Variants in LCTL observed in about 807,000 individuals in gnomAD.
LCTL encodes the protein lactase-like protein.
LCTL carries 76 observed loss-of-function variants against 75.8 expected under a neutral mutation model. The observed-to-expected ratio is 1.00, with a 90% CI of 0.83 to 1.21. The LOEUF (loss-of-function observed/expected upper bound fraction) is 1.21. LCTL is among the 50% of genes most tolerant of loss of function. The pLI, the probability that LCTL is intolerant of heterozygous loss-of-function variation, is 0.00. For missense variants in LCTL, 670 were observed against 712.4 expected, an observed-to-expected ratio of 0.94 and a Z score of 0.68; for synonymous variants, 271 against 268.8, an observed-to-expected ratio of 1.01 and a Z score of -0.08.
exon 3 of LCTL, chr15:66,563,984 C>G: frequency 6.2e-7 from 1 of 1,613,698 alleles, no homozygotes; most frequent in Non-Finnish European, 8.5e-7. Context: ...GTTCCCTCAG[C>G]AGAATGATGT....
chr15:66,551,720 G>A (rs201642911), exon 11 of LCTL: 116 of 1,613,950 alleles, frequency 7.2e-5, no homozygotes, highest in Non-Finnish European at 8.6e-5. Context: ...TTGAACTGAA[G>A]CCTTTGGATA....
chr15:66,558,031 G>T, exon 7 of LCTL: 3 of 1,604,212 alleles, frequency 1.9e-6, no homozygotes, highest in Non-Finnish European at 2.6e-6. Flanking sequence ...AGGCTTTGGC[G>T]TGGGCCTGAA....
exon 12 of LCTL, chr15:66,550,068 A>G: frequency 1.2e-6 from 2 of 1,606,028 alleles, no homozygotes; most frequent in East Asian, 2.2e-5. Context: ...TTGTTGATAG[A>G]GCAAGTTTCC....
At chr15:66,552,453 C>G (rs966217840) in intron 9 of LCTL, among the ~76,000 whole-genome samples, 1 of 151,764 alleles carries the variant, frequency 6.6e-6, no homozygotes, top group African/African-American at 2.4e-5. Flanking sequence ...GGCAGATCAC[C>G]TAAGGTCAGG....
intron 11 of LCTL, 137 bp downstream of exon 12, chr15:66,551,525 G>A (rs893502266): frequency 8.9e-6 from 6 of 671,216 alleles, no homozygotes; most frequent in Non-Finnish European, 1.0e-5. Flanking sequence ...GAGTAAAGGT[G>A]AAATAAAGGG....
intron 8 of LCTL, 61 bp downstream of exon 9, chr15:66,557,661 G>A: frequency 6.4e-7 from 1 of 1,551,328 alleles, no homozygotes; most frequent in Non-Finnish European, 8.8e-7. Context: ...CCTTTTGCTT[G>A]TTTCACATGG....
intron 3 of LCTL, 84 bp from the exon 5 acceptor site, chr15:66,563,709 T>A: frequency 9.8e-7 from 1 of 1,015,710 alleles, no homozygotes; most frequent in Non-Finnish European, 1.5e-6. Flanking sequence ...TCCTGGGCCC[T>A]GTTGCTTTTT....
At chr15:66,559,489 C>T (rs748776657) in intron 6 of LCTL, among the ~76,000 whole-genome samples, 6 of 152,098 alleles carry the variant, frequency 3.9e-5, no homozygotes, top group Admixed American at 1.3e-4. Flanking sequence ...GGGTAGATCA[C>T]GAGGTCAGGA....
intron 4 of LCTL, among the ~76,000 whole-genome samples, chr15:66,562,253 A>G (rs1198018317): frequency 6.6e-6 from 1 of 151,998 alleles, no homozygotes; most frequent in East Asian, 1.9e-4. Context: ...AAATACAAAA[A>G]TTAGCCGGGC....
At position 66,556,043 on chromosome 15, in the gene LCTL, A is replaced by T. The variant is rs559138931; in HGVS notation, c.922+1679T>A. ...TGTGGAGTAATTGGAACCCTTGTGT[A>T]TTGTTGCTGGGAATGTAAAATGGTA... On this transcript the variant is annotated intron_variant, in intron 8 of 12. Transcript: ENST00000341509. Among the ~76,000 whole-genome samples, 601 of 152,272 alleles carry T rather than the reference A, an allele frequency of 3.9e-3. 3 individuals are homozygous for T. Among genetic ancestry groups the T allele is most frequent in the Non-Finnish European group, 3.4e-3 (234 of 68,016 alleles).
At chr15:66,564,779 C>CCGT in exon 2 of LCTL, 8 of 1,613,764 alleles carry the variant, frequency 5.0e-6, no homozygotes, top group Non-Finnish European at 6.8e-6. Context: ...AGGCCCTTTC[C>CCGT]CGTCCTGGTC....
Position 66,565,307 on chromosome 15 carries a change from C to T in LCTL, c.59G>A (p.Gly20Glu), listed in dbSNP as rs1164736046. The T allele has an allele frequency of 6.2e-7, 1 of 1,613,704 alleles. No homozygotes were observed. Among genetic ancestry groups the T allele is most frequent in the Non-Finnish European group, 8.5e-7 (1 of 1,179,916 alleles). Residue 20 changes from glycine (G) to glutamate (E), a missense_variant, in exon 1 of 13, where the codon GGG becomes GAG. Transcript: ENST00000341509. ...TTCTGGGGACCCCTTCCGGGCGGCC[C>T]CCAGCCTGGGCACCAGCAGTAGCAT... is the stretch of plus-strand genomic sequence containing the variant.
chr15:66,557,149 A>G (rs1288134706), intron 8 of LCTL, among the ~76,000 whole-genome samples: 2 of 152,134 alleles, frequency 1.3e-5, no homozygotes, highest in African/African-American at 4.8e-5. Flanking sequence ...GGCACCCCTG[A>G]AGGCTAGATT....
At chr15:66,562,588 C>CTT (rs34408899) in intron 4 of LCTL, among the ~76,000 whole-genome samples, 13,162 of 142,598 alleles carry the variant, frequency 0.092, 727 homozygotes, top group Middle Eastern at 0.13. Flanking sequence ...GTCGCCAGAT[C>CTT]TTTTTTTTTT....
chr15:66,556,817 A>G (rs1427479836), intron 8 of LCTL, among the ~76,000 whole-genome samples: 1 of 152,148 alleles, frequency 6.6e-6, no homozygotes, highest in Non-Finnish European at 1.5e-5. Context: ...TGCAAGATGA[A>G]GCGTTCTGGA....
chr15:66,565,271 A>C (rs1462587979), exon 1 of LCTL: 2 of 1,612,672 alleles, frequency 1.2e-6, no homozygotes, highest in East Asian at 4.5e-5. Context: ...TCCATAGTAG[A>C]AGGAGGCCTC....
chr15:66,558,241 G>A (rs1477209480), intron 6 of LCTL, among the ~76,000 whole-genome samples: 1 of 152,122 alleles, frequency 6.6e-6, no homozygotes, highest in African/African-American at 2.4e-5. Flanking sequence ...TGTAAGTCTG[G>A]CTCAAACAAC....
chr15:66,564,365 G>A lies in LCTL; in HGVS notation c.282+311C>T, dbSNP rs118110887. 1.0e-3 allele frequency: 466 copies of A among 467,870 alleles called. 4 individuals are homozygous for A. The East Asian group carries it at 0.017, about 17-fold the overall frequency. 29.0% of individuals were successfully genotyped at this position (467,870 alleles called of 1,614,324 possible). ...GCAGGGACCAGGGGTTCAGGCCACT[G>A]TGGCTGTAGGCCCTGAGGCTGTGGG... On this transcript the variant is annotated intron_variant, in intron 2 of 12. Coordinates refer to ENST00000341509, the Ensembl canonical transcript of LCTL.
chr15:66,563,464 C>T, intron 4 of LCTL, 52 bp downstream of exon 5: 1 of 1,333,158 alleles, frequency 7.5e-7, no homozygotes, highest in Non-Finnish European at 1.1e-6. Context: ...ACTGGGCTCC[C>T]TCCTGCTTAG....
Sources: gnomAD v4.1 joint callset for allele counts (sites outside exome capture counted in the v4.1 genomes callset) on GRCh38, gnomAD v4.1.1 for gene constraint, MANE v1.5 for transcripts, NCBI Gene and HGNC (gene_info 2026-07-23, HGNC 2026-07-21) for gene names.